PCDH9: variants seen among roughly 807,000 people sequenced by gnomAD.
The protein encoded by PCDH9 is protocadherin-9.
Under a neutral mutation model 70.6 loss-of-function variants are expected in PCDH9, and 24 were observed. That is an observed-to-expected ratio of 0.34 (90% CI 0.25 to 0.48). The LOEUF is 0.48. Among genes scored for constraint, PCDH9 ranks in the 20% least tolerant of loss-of-function variants. The pLI is 0.99. For synonymous variants in PCDH9, 562 were observed against 558.5 expected, an observed-to-expected ratio of 1.01 and a Z score of -0.09; for missense variants, 1,281 against 1,503.6, an observed-to-expected ratio of 0.85 and a Z score of 2.45.
chr13:66,432,199 A>G (rs1957784289), intron 4 of PCDH9, among the ~76,000 whole-genome samples: 1 of 152,050 alleles, frequency 6.6e-6, no homozygotes, highest in Non-Finnish European at 1.5e-5. Flanking sequence ...CTTCAACCAC[A>G]TAAAACCCTT....
intron 4 of PCDH9, among the ~76,000 whole-genome samples, chr13:66,307,120 A>C (rs966394790): frequency 3.9e-5 from 6 of 152,058 alleles, no homozygotes; most frequent in Non-Finnish European, 1.5e-5. Context: ...AGCTTTCTTT[A>C]TTGATGAATA....
chr13:66,550,116 A>G (rs527351928), intron 4 of PCDH9, among the ~76,000 whole-genome samples: 3 of 152,228 alleles, frequency 2.0e-5, no homozygotes, highest in South Asian at 4.2e-4. Context: ...CAATACAGAT[A>G]ACTTTAACTC....
intron 2 of PCDH9, chr13:66,990,918 AT>A (rs2083989795): frequency 6.6e-6 from 1 of 151,960 alleles, no homozygotes. Flanking sequence ...ATTACATAAA[AT>A]ATCCATGAAA....
intron 2 of PCDH9, among the ~76,000 whole-genome samples, chr13:67,051,904 T>C (rs2085332012): frequency 1.3e-5 from 2 of 152,190 alleles, no homozygotes; most frequent in Non-Finnish European, 2.9e-5. Flanking sequence ...AATATTCGGA[T>C]AATAGCCACA....
intron 4 of PCDH9, among the ~76,000 whole-genome samples, chr13:66,447,695 CTGTTTATTAGAAATACT>C (rs915726451): frequency 6.6e-6 from 1 of 152,056 alleles, no homozygotes; most frequent in Non-Finnish European, 1.5e-5. Flanking sequence ...TAAAGCTAAT[CTGTTTATTAGAAATACT>C]TGAACAAATA....
intron 4 of PCDH9, among the ~76,000 whole-genome samples, chr13:66,628,283 T>C (rs541410212): frequency 2.0e-5 from 3 of 152,204 alleles, no homozygotes; most frequent in Non-Finnish European, 4.4e-5. Flanking sequence ...ACTCTTAGAC[T>C]GTGTTAGGCT....
chr13:66,992,275 A>C (rs1346612910), intron 2 of PCDH9, among the ~76,000 whole-genome samples: 1 of 152,168 alleles, frequency 6.6e-6, no homozygotes, highest in African/African-American at 2.4e-5. Flanking sequence ...TGTGTTTTAC[A>C]TCTATGCTAG....
rs1048461206 is a variant in PCDH9, at chr13:67,124,909, A to G, written c.3036+100496T>C. ...CTGCTGTCTAGAGTAGATTCTCAAA[A>G]ACCTTTCTAAATTAACTCATTAGGA... On this transcript the variant is annotated intron_variant, in intron 2 of 4. Transcript: ENST00000377865. Among the ~76,000 whole-genome samples the G allele has an allele frequency of 6.6e-5, 10 of 152,312 alleles. No homozygotes were observed. The South Asian group carries it at 1.7e-3, about 25-fold the overall frequency.
At chr13:67,151,972 C>T (rs1050651443) in intron 2 of PCDH9, among the ~76,000 whole-genome samples, 3 of 151,972 alleles carry the variant, frequency 2.0e-5, no homozygotes, top group East Asian at 1.9e-4. Flanking sequence ...AACTAAAAGA[C>T]TCTTAAGGAT....
intron 3 of PCDH9, among the ~76,000 whole-genome samples, chr13:66,877,105 A>G (rs966256023): frequency 6.6e-6 from 1 of 151,930 alleles, no homozygotes; most frequent in African/African-American, 2.4e-5. Flanking sequence ...ATCAAAAAAT[A>G]TATTTATATT....
chr13:66,575,970 G>A (rs1477109916), intron 4 of PCDH9, among the ~76,000 whole-genome samples: 1 of 150,734 alleles, frequency 6.6e-6, no homozygotes, highest in African/African-American at 2.4e-5. Flanking sequence ...CATAGGCATA[G>A]TACAAAAAAG....
At chr13:66,489,326 C>A (rs937214169) in intron 4 of PCDH9, among the ~76,000 whole-genome samples, 4 of 152,068 alleles carry the variant, frequency 2.6e-5, no homozygotes, top group Admixed American at 1.3e-4. Flanking sequence ...AGTCCTCTGG[C>A]AAATTTTTGT....
intron 4 of PCDH9, among the ~76,000 whole-genome samples, chr13:66,506,177 C>T (rs1311369654): frequency 2.0e-5 from 3 of 152,122 alleles, no homozygotes; most frequent in Non-Finnish European, 4.4e-5. Context: ...TCACCAGAAA[C>T]CTCTGTGAAG....
At position 66,961,347 on chromosome 13, in the gene PCDH9, T is replaced by G. The variant is rs117993224; in HGVS notation, c.3037-57742A>C. Among the ~76,000 whole-genome samples, 861 of 152,318 alleles carry G rather than the reference T, an allele frequency of 5.7e-3. 5 individuals carry two copies. The highest frequency in any genetic ancestry group is 0.01 in the Middle Eastern group (3 of 294). ...AAACAAGCCACTTTTGTGTCAACAT[T>G]GTGTTCCCAATACCAGACCCATCAC... On this transcript the variant is annotated intron_variant, in intron 2 of 4. Transcript: ENST00000377865.
At chr13:67,094,662 CTTCTTT>C (rs1566420983) in intron 2 of PCDH9, among the ~76,000 whole-genome samples, 1 of 145,318 alleles carries the variant, frequency 6.9e-6, no homozygotes, top group African/African-American at 2.5e-5. Context: ...CCAGATTCTT[CTTCTTT>C]TTTTTTTTTT....
intron 4 of PCDH9, among the ~76,000 whole-genome samples, chr13:66,365,236 GT>G (rs1027121618): frequency 2.0e-5 from 3 of 152,066 alleles, no homozygotes; most frequent in Admixed American, 1.3e-4. Context: ...GAACGACAAG[GT>G]TCTGTCTTGG....
In PCDH9 at chr13:66,622,681, A is replaced by C. The variant is rs570967566; in HGVS notation, c.3340+8529T>G. On this transcript the variant is annotated intron_variant, in intron 4 of 4. Coordinates refer to ENST00000377865, the MANE Select transcript of PCDH9 (RefSeq NM_203487.3). ...GTAGCTCAGGGATTGTAAACGCACC[A>C]ATCAGCGCCCTGTCAAAACAGACCA... Among the ~76,000 whole-genome samples the C allele has an allele frequency of 3.5e-3, 533 of 152,248 alleles. 7 individuals carry two copies. Among genetic ancestry groups the C allele is most frequent in the Middle Eastern group, 3.4e-3 (1 of 294 alleles).
chr13:66,447,887 G>T (rs1266007975), intron 4 of PCDH9, among the ~76,000 whole-genome samples: 1 of 152,006 alleles, frequency 6.6e-6, no homozygotes, highest in Non-Finnish European at 1.5e-5. Context: ...TTCAAGTAGT[G>T]AAAAAATATG....
At chr13:66,899,512 C>T (rs2082242369) in intron 3 of PCDH9, among the ~76,000 whole-genome samples, 1 of 151,976 alleles carries the variant, frequency 6.6e-6, no homozygotes. Context: ...TATTCTTTAG[C>T]TCAAGCATCA....
Sources: gnomAD v4.1 joint callset for allele counts (sites outside exome capture counted in the v4.1 genomes callset) on GRCh38, gnomAD v4.1.1 for gene constraint, MANE v1.5 for transcripts, NCBI Gene and HGNC (gene_info 2026-07-23, HGNC 2026-07-21) for gene names.